Variants in TTC39C observed in about 807,000 individuals in gnomAD.
The protein encoded by TTC39C is tetratricopeptide repeat domain 39C.
Under a neutral mutation model 76.3 loss-of-function variants are expected in TTC39C, and 33 were observed. That is an observed-to-expected ratio of 0.43 (90% CI 0.33 to 0.58). The LOEUF (loss-of-function observed/expected upper bound fraction) is 0.58. TTC39C is among the 20% of genes least tolerant of loss of function. TTC39C has a pLI of 0.04. For missense variants in TTC39C, 595 were observed against 701.4 expected (o/e 0.85, Z 1.71); for synonymous variants, 254 against 260.6 (o/e 0.97, Z 0.24).
chr18:24,014,905 C>A lies in TTC39C; in HGVS notation c.34C>A (p.Arg12=). The A allele has an allele frequency of 6.7e-7, 1 of 1,497,724 alleles. No homozygotes were observed. The highest frequency in any genetic ancestry group is 8.9e-7 in the Non-Finnish European group (1 of 1,124,712). 92.8% of individuals were successfully genotyped at this position (1,497,724 alleles called of 1,614,324 possible). A position where few individuals can be genotyped will look rare whatever the true frequency, so the allele number is the denominator to read the frequency against. The change falls in exon 1 of 14, where the codon CGG becomes AGG. Residue 12 remains arginine, a synonymous_variant. Coordinates refer to ENST00000317571, the MANE Select transcript of TTC39C (RefSeq NM_001135993.2). ...AGSEQQRPRR[R]DDGDSDAAAA... ...CTCGGAGCAGCAGCGGCCGCGGCGG[C>A]GGGACGACGGAGACTCGGACGCGGC...
intron 1 of TTC39C, among the ~76,000 whole-genome samples, chr18:24,037,311 C>T (rs556195931): frequency 2.0e-5 from 3 of 152,236 alleles, no homozygotes; most frequent in African/African-American, 4.8e-5. Context: ...TGCCTGTATT[C>T]CCTGACATAA....
chr18:24,095,779 C>T (rs2084581150), intron 6 of TTC39C, among the ~76,000 whole-genome samples: 3 of 152,230 alleles, frequency 2.0e-5, no homozygotes, highest in Non-Finnish European at 4.4e-5. Flanking sequence ...AACTTCCAGC[C>T]TTTCTCAGCT....
intron 7 of TTC39C, among the ~76,000 whole-genome samples, chr18:24,116,603 T>C (rs1413703229): frequency 1.3e-5 from 2 of 152,134 alleles, no homozygotes; most frequent in African/African-American, 4.8e-5. Flanking sequence ...CCATAGAATT[T>C]GACAGTGAAT....
intron 1 of TTC39C, among the ~76,000 whole-genome samples, chr18:24,051,748 TG>T (rs2083952404): frequency 6.6e-6 from 1 of 152,238 alleles, no homozygotes; most frequent in Non-Finnish European, 1.5e-5. Context: ...CGTGTGCTTT[TG>T]TTGGTGAAAG....
At chr18:24,083,726 G>A (rs1332390393) in intron 6 of TTC39C, among the ~76,000 whole-genome samples, 1 of 150,612 alleles carries the variant, frequency 6.6e-6, no homozygotes, top group Non-Finnish European at 1.5e-5. Flanking sequence ...TCTCACTCCA[G>A]AACCAGAAAT....
upstream of TTC39C, among the ~76,000 whole-genome samples, chr18:24,013,888 G>A (rs1366228880): frequency 6.6e-6 from 1 of 152,256 alleles, no homozygotes; most frequent in East Asian, 1.9e-4. Flanking sequence ...TTGGTCATAT[G>A]AACGCCAAAG....
At chr18:24,042,318 G>C (rs888866190) in intron 1 of TTC39C, among the ~76,000 whole-genome samples, 1 of 152,134 alleles carries the variant, frequency 6.6e-6, no homozygotes, top group African/African-American at 2.4e-5. Context: ...GGGAGATTGC[G>C]GGGGATGGTT....
intron 8 of TTC39C, 98 bp from the exon 9 acceptor site, chr18:24,123,736 C>T: frequency 2.4e-6 from 2 of 828,836 alleles, no homozygotes; most frequent in Non-Finnish European, 3.7e-6. Context: ...AACATATTTG[C>T]TCCTGCTTTT....
At chr18:24,038,819 C>T (rs538303045) in intron 1 of TTC39C, among the ~76,000 whole-genome samples, 2 of 152,282 alleles carry the variant, frequency 1.3e-5, no homozygotes, top group South Asian at 2.1e-4. Context: ...TGGCCATGTT[C>T]TCACATGGCC....
chr18:24,101,799 T>G (rs2084679432), intron 6 of TTC39C, among the ~76,000 whole-genome samples: 1 of 152,276 alleles, frequency 6.6e-6, no homozygotes. Flanking sequence ...TGTATTTCTA[T>G]GATTTTTGTT....
intron 6 of TTC39C, among the ~76,000 whole-genome samples, chr18:24,113,105 C>T (rs1401175499): frequency 6.6e-6 from 1 of 152,100 alleles, no homozygotes; most frequent in Non-Finnish European, 1.5e-5. Context: ...ATCAGGGATG[C>T]GATTGGTGCG....
upstream of TTC39C, chr18:24,014,731 C>T: frequency 1.8e-6 from 2 of 1,136,070 alleles, no homozygotes; most frequent in Non-Finnish European, 2.2e-6. Flanking sequence ...CCTCCTCTTC[C>T]CTCCCGTCTT....
intron 1 of TTC39C, among the ~76,000 whole-genome samples, chr18:23,995,718 AAGTT>A (rs1479005999): frequency 6.6e-6 from 1 of 151,922 alleles, no homozygotes; most frequent in Admixed American, 6.6e-5. Context: ...AAAAAAAAAA[AAGTT>A]AGCCGGGCAT....
At chr18:24,055,781 T>G (rs992933347) in intron 1 of TTC39C, among the ~76,000 whole-genome samples, 9 of 152,242 alleles carry the variant, frequency 5.9e-5, no homozygotes, top group African/African-American at 2.2e-4. Context: ...CCTGTGCTTT[T>G]GGTGTCATAT....
chr18:24,001,870 G>C (rs2083315360), intron 1 of TTC39C, among the ~76,000 whole-genome samples: 1 of 142,712 alleles, frequency 7.0e-6, no homozygotes, highest in Admixed American at 7.4e-5. Context: ...CTGTGGCCCA[G>C]GCGGGAGTGC....
chr18:24,063,288 G>A lies in TTC39C; in HGVS notation c.168-852G>A, dbSNP rs1210409055. On this transcript the variant is annotated intron_variant, in intron 1 of 13. Coordinates refer to ENST00000317571, the MANE Select transcript of TTC39C (RefSeq NM_001135993.2). ...GGGGGGAATGGCTGACTCTTAGCGA[G>A]GCATTCCTAAGGTTCTGGGATTGAT... Among the ~76,000 whole-genome samples, 4 of 152,116 alleles carry A rather than the reference G, an allele frequency of 2.6e-5. No individual in the cohort carries two copies. In the East Asian group the frequency reaches 7.7e-4, roughly 29 times the overall value.
intron 6 of TTC39C, among the ~76,000 whole-genome samples, chr18:24,091,008 C>T (rs768747736): frequency 1.9e-4 from 29 of 151,964 alleles, no homozygotes; most frequent in East Asian, 3.9e-4. Flanking sequence ...GGTTTCACCA[C>T]GTTGGCCAGG....
At chr18:24,117,816 C>T (rs1186715746) in intron 7 of TTC39C, among the ~76,000 whole-genome samples, 1 of 152,026 alleles carries the variant, frequency 6.6e-6, no homozygotes, top group Non-Finnish European at 1.5e-5. Context: ...AGAAGTACTG[C>T]TGTGCTTGGG....
At position 24,068,724 on chromosome 18, in the gene TTC39C, G is replaced by C. The variant is rs980382151; in HGVS notation, c.346-433G>C. On this transcript the variant is annotated intron_variant, in intron 3 of 13. Coordinates refer to ENST00000317571, the MANE Select transcript of TTC39C (RefSeq NM_001135993.2). ...ATCCTTACATCTCAGTTGCATGCAC[G>C]AAAAGAATGCCCCTAATGTTATCCT... Among the ~76,000 whole-genome samples, 24 of 152,276 alleles carry C rather than the reference G, an allele frequency of 1.6e-4. No homozygotes were observed. The South Asian group carries it at 4.8e-3, about 30-fold the overall frequency.
Sources: allele counts gnomAD v4.1 joint callset (sites outside exome capture counted in the v4.1 genomes callset), GRCh38; gene constraint gnomAD v4.1.1; transcripts MANE v1.5; gene names NCBI Gene and HGNC (gene_info 2026-07-23, HGNC 2026-07-21).